Variants in MRPL39 observed in about 807,000 individuals in gnomAD.
The protein encoded by MRPL39 is mitochondrial ribosomal protein L39.
In MRPL39, 35 loss-of-function variants were observed where a neutral mutation model predicts 44.5. The ratio of observed to expected loss-of-function variants is 0.79; its 90% CI spans 0.60 to 1.04. The LOEUF is 1.04. Ranked by LOEUF, MRPL39 falls within the 50% of genes least tolerant of loss-of-function variation. The pLI is 0.00. For missense variants in MRPL39, 433 were observed against 413.5 expected (o/e 1.05, Z -0.41); for synonymous variants, 139 against 136.1 (o/e 1.02, Z -0.15).
Position 25,603,908 on chromosome 21 carries a change from G to T in MRPL39, c.308C>A (p.Ser103Tyr). ...CTGTCCATCCACCAGAGCCAGAATG[G>T]ACTTCCTGCAATACCACTCGCTTAA... ...MHLSEWYCRKSILALVDGQPW... is the reference protein window; with the variant it reads ...MHLSEWYCRKYILALVDGQPW... Residue 103 changes from serine to tyrosine, a missense_variant, in exon 3 of 10, where the codon TCC (serine) becomes TAC (tyrosine). Physicochemically the swap from Ser to Tyr is moderately radical, Grantham distance 144. Transcript: ENST00000352957. 3.1e-6 allele frequency: 5 copies of T among 1,611,590 alleles called. No homozygotes were observed. The highest frequency in any genetic ancestry group is 1.1e-5 in the South Asian group (1 of 90,612).
Position 25,597,381 on chromosome 21 carries a change from C to G in MRPL39, c.622G>C (p.Ala208Pro). 6.3e-7 allele frequency: 1 copy of G among 1,596,898 alleles called. No homozygotes were observed. Among genetic ancestry groups the G allele is most frequent in the Non-Finnish European group, 8.6e-7 (1 of 1,168,176 alleles). Residue 208 changes from alanine to proline, a missense_variant, in exon 6 of 10, where the codon GCT (alanine) becomes CCT (proline). Transcript: ENST00000352957. ...NLRSFTKDAHALIYKDLPFET... is the reference protein window; with the variant it reads ...NLRSFTKDAHPLIYKDLPFET... The stretch of plus-strand genomic sequence containing the variant: ...AATGGAAGATCTTTATAAATTAAAG[C>G]ATGAGCATCTTTTGTGAAGGAACGT...
chr21:25,604,031 A>C, intron 2 of MRPL39, 96 bp from the exon 3 acceptor site: 1 of 1,121,142 alleles, frequency 8.9e-7, no homozygotes, highest in Non-Finnish European at 1.3e-6. Flanking sequence ...TGGAAAGGCA[A>C]GATTCTGCAG....
intron 2 of MRPL39, among the ~76,000 whole-genome samples, chr21:25,605,528 A>C (rs1312328321): frequency 6.6e-6 from 1 of 152,166 alleles, no homozygotes; most frequent in African/African-American, 2.4e-5. Flanking sequence ...AGAAAGAAAA[A>C]GGCGGCAAAA....
chr21:25,603,785 G>C lies in MRPL39; in HGVS notation c.420+11C>G. On this transcript the variant is annotated intron_variant, in intron 3 of 9. Coordinates refer to ENST00000352957, the MANE Select transcript of MRPL39 (RefSeq NM_017446.4). Reference sequence around the variant, plus strand: ...TGGGGAAATAGAAAAAGAATGTAGAGATAGAAATACCTTATTCACTTCTCC... The same window carrying C: ...TGGGGAAATAGAAAAAGAATGTAGACATAGAAATACCTTATTCACTTCTCC... 6.3e-7 allele frequency: 1 copy of C among 1,594,428 alleles called. No individual in the cohort carries two copies.
intron 3 of MRPL39, among the ~76,000 whole-genome samples, chr21:25,603,078 T>C (rs1040936274): frequency 3.0e-4 from 45 of 152,196 alleles, no homozygotes; most frequent in African/African-American, 1.0e-3. Context: ...CTACTATGAT[T>C]GTTAAGTTTC....
rs1452092017 is a variant in MRPL39 at position 25,603,647 on chromosome 21, C to A, written c.420+149G>T. 12 of 769,040 alleles carry A rather than the reference C, an allele frequency of 1.6e-5. 1 individual carries two copies. The highest frequency in any genetic ancestry group is 2.4e-5 in the Non-Finnish European group (12 of 502,946). The allele number at this position is 769,040 out of a possible 1,614,324, so 47.6% of individuals were successfully genotyped here. ...TGATAAGTTCTGAACTACAAAAGTG[C>A]CTAATCTAACAGGTAAAACATTGAC... On this transcript the variant is annotated intron_variant, in intron 3 of 9. Coordinates refer to ENST00000352957, the MANE Select transcript of MRPL39 (RefSeq NM_017446.4).
chr21:25,607,784 TGCCCTCCGCCTTCA>T (rs928862633), upstream of MRPL39, among the ~76,000 whole-genome samples: 1 of 150,574 alleles, frequency 6.6e-6, no homozygotes, highest in Admixed American at 6.6e-5. Flanking sequence ...CAGGCGTCGT[TGCCCTCCGCCTTCA>T]GCCCTCCGCG....
chr21:25,588,161 A>T (rs2031060373), intron 9 of MRPL39, among the ~76,000 whole-genome samples: 1 of 152,044 alleles, frequency 6.6e-6, no homozygotes, highest in Non-Finnish European at 1.5e-5. Flanking sequence ...AATACAAAAA[A>T]ATTAGTTGGA....
chr21:25,590,310 T>A (rs2123226695), intron 8 of MRPL39, among the ~76,000 whole-genome samples: 1 of 151,918 alleles, frequency 6.6e-6, no homozygotes, highest in South Asian at 2.1e-4. Context: ...TTGGCTTCCC[T>A]GGGCCACACT....
chr21:25,606,565 T>G lies in MRPL39; in HGVS notation c.164A>C (p.Gln55Pro). ...NDLFNKEKAR[Q>P]LSLTPRTEKI... ...CTCAGTTCGGGGAGTTAATGATAAC[T>G]GCCTGGCTTTCTCTTTATTAAAGAG... Residue 55 changes from glutamine to proline, a missense_variant, in exon 2 of 10, where the codon CAG becomes CCG. Physicochemically the swap from Gln to Pro is moderately conservative, Grantham distance 76. Coordinates refer to ENST00000352957, the MANE Select transcript of MRPL39 (RefSeq NM_017446.4). 1 of 1,614,040 alleles carries G rather than the reference T, an allele frequency of 6.2e-7. No individual in the cohort carries two copies. The highest frequency in any genetic ancestry group is 8.5e-7 in the Non-Finnish European group (1 of 1,179,852).
At chr21:25,594,504 C>T (rs2031294432) in intron 6 of MRPL39, among the ~76,000 whole-genome samples, 1 of 151,946 alleles carries the variant, frequency 6.6e-6, no homozygotes, top group Non-Finnish European at 1.5e-5. Context: ...GCCTCAGTCT[C>T]CCAAAATGCT....
intron 6 of MRPL39, 100 bp from the exon 7 acceptor site, chr21:25,594,058 G>T: frequency 1.0e-6 from 1 of 985,636 alleles, no homozygotes; most frequent in Non-Finnish European, 1.5e-6. Flanking sequence ...CATACTTTCT[G>T]AGAGTAGGTT....
chr21:25,607,559 C>T (rs891537963), upstream of MRPL39: 9 of 1,423,778 alleles, frequency 6.3e-6, no homozygotes, highest in East Asian at 7.2e-5. Context: ...TTCCGCAGGA[C>T]AGGTCTGTTC....
intron 9 of MRPL39, chr21:25,587,736 C>T (rs373260041): frequency 5.3e-5 from 85 of 1,612,584 alleles, no homozygotes; most frequent in Non-Finnish European, 6.4e-5. Context: ...ACGACTCAGG[C>T]GAGGTAGTGA....
intron 3 of MRPL39, 44 bp from the exon 4 acceptor site, chr21:25,601,511 G>A (rs746066737): frequency 1.6e-6 from 2 of 1,249,624 alleles, no homozygotes; most frequent in East Asian, 2.7e-5. Flanking sequence ...TAAACACACT[G>A]AGATTCACTA....
intron 9 of MRPL39, among the ~76,000 whole-genome samples, chr21:25,588,234 C>A (rs1201873509): frequency 6.6e-6 from 1 of 152,042 alleles, no homozygotes; most frequent in Admixed American, 6.5e-5. Context: ...ATCGCTTGAG[C>A]CCGGGAGGTG....
At chr21:25,587,291 G>A (rs60928262) in intron 9 of MRPL39, among the ~76,000 whole-genome samples, 10,524 of 151,678 alleles carry the variant, frequency 0.069, 729 homozygotes, top group East Asian at 0.37. Flanking sequence ...TAAACATGCT[G>A]AACATTTTTT....
chr21:25,588,691 T>C, intron 9 of MRPL39, 144 bp downstream of exon 9: 1 of 706,652 alleles, frequency 1.4e-6, no homozygotes, highest in Non-Finnish European at 2.4e-6. Flanking sequence ...TAGTGAACAA[T>C]CACAACACTG....
In MRPL39 at chr21:25,593,964, A is replaced by C. The variant is rs771258756; in HGVS notation, c.702-6T>G. The C allele has an allele frequency of 6.2e-7, 1 of 1,611,750 alleles. No homozygotes were observed. The highest frequency in any genetic ancestry group is 1.3e-5 in the African/African-American group (1 of 74,792). On this transcript the variant is annotated splice_polypyrimidine_tract_variant and splice_region_variant and intron_variant, in intron 6 of 9. Coordinates refer to ENST00000352957, the MANE Select transcript of MRPL39 (RefSeq NM_017446.4). The stretch of plus-strand genomic sequence containing the variant: ...CTATGAAATCTACTTTGTACCTGAA[A>C]AGCAGCAAAGAAAAAAACATTTTTT...
Sources: gnomAD v4.1 joint callset for allele counts (sites outside exome capture counted in the v4.1 genomes callset) on GRCh38, gnomAD v4.1.1 for gene constraint, MANE v1.5 for transcripts, NCBI Gene and HGNC (gene_info 2026-07-23, HGNC 2026-07-21) for gene names.